GRM7: variants seen among roughly 807,000 people sequenced by gnomAD.
GRM7 encodes the protein glutamate metabotropic receptor 7.
In GRM7, 35 loss-of-function variants were observed where a neutral mutation model predicts 84.5. That is an observed-to-expected ratio of 0.41 (90% CI 0.32 to 0.55). The LOEUF (loss-of-function observed/expected upper bound fraction) is 0.55. Ranked by LOEUF, GRM7 falls within the 20% of genes least tolerant of loss-of-function variation. The pLI, the probability that GRM7 is intolerant of heterozygous loss-of-function variation, is 0.19. For missense variants in GRM7, 1,003 were observed against 1,194.6 expected (o/e 0.84, Z 2.36); for synonymous variants, 487 against 455.1 (o/e 1.07, Z -0.89).
intron 8 of GRM7, among the ~76,000 whole-genome samples, chr3:7,593,625 G>T (rs1695897871): frequency 6.6e-6 from 1 of 152,168 alleles, no homozygotes; most frequent in African/African-American, 2.4e-5. Context: ...AAAAGGAAAA[G>T]CAAGGGAAAA....
At chr3:7,530,396 A>G (rs866016529) in intron 7 of GRM7, among the ~76,000 whole-genome samples, 17 of 152,170 alleles carry the variant, frequency 1.1e-4, no homozygotes, top group Non-Finnish European at 2.1e-4. Context: ...CAGTGCTGCA[A>G]TAAACAAATG....
chr3:7,723,024 G>T (rs1209446806), intron 9 of GRM7, among the ~76,000 whole-genome samples: 1 of 152,036 alleles, frequency 6.6e-6, no homozygotes, highest in Non-Finnish European at 1.5e-5. Flanking sequence ...AAAGTAGAAA[G>T]AACAGTAGTA....
chr3:7,645,663 A>G (rs1466453438), intron 8 of GRM7, among the ~76,000 whole-genome samples: 1 of 152,158 alleles, frequency 6.6e-6, no homozygotes, highest in Non-Finnish European at 1.5e-5. Context: ...CATAAGACAG[A>G]AAATCTTAAC....
chr3:6,901,151 G>T (rs1313982479), intron 1 of GRM7, among the ~76,000 whole-genome samples: 1 of 152,092 alleles, frequency 6.6e-6, no homozygotes, highest in East Asian at 1.9e-4. Flanking sequence ...AATTAAATAA[G>T]AGTTAATGAC....
chr3:6,889,327 C>T (rs906857352), intron 1 of GRM7, among the ~76,000 whole-genome samples: 4 of 152,126 alleles, frequency 2.6e-5, no homozygotes, highest in African/African-American at 9.7e-5. Context: ...AAAGGGAATG[C>T]TTCCAGTTTT....
intron 4 of GRM7, among the ~76,000 whole-genome samples, chr3:7,383,375 G>A (rs1242603807): frequency 6.6e-6 from 1 of 152,122 alleles, no homozygotes; most frequent in Non-Finnish European, 1.5e-5. Context: ...CATAAAGATG[G>A]TTTATGGAGG....
intron 1 of GRM7, among the ~76,000 whole-genome samples, chr3:7,017,989 A>G (rs529995332): frequency 1.3e-5 from 2 of 152,328 alleles, no homozygotes; most frequent in South Asian, 4.1e-4. Flanking sequence ...TGATTTATTG[A>G]AAGAAAGTAT....
chr3:7,677,177 G>A (rs964422794), intron 8 of GRM7, among the ~76,000 whole-genome samples: 18 of 148,428 alleles, frequency 1.2e-4, no homozygotes, highest in African/African-American at 3.5e-4. Context: ...CAGGAGACTC[G>A]CTTGAACCCG....
At chr3:6,968,338 T>G (rs1347851488) in intron 1 of GRM7, among the ~76,000 whole-genome samples, 2 of 152,234 alleles carry the variant, frequency 1.3e-5, no homozygotes. Context: ...GAGTCCACCC[T>G]AATGAACTCA....
At chr3:7,396,004 C>T (rs974552100) in intron 4 of GRM7, among the ~76,000 whole-genome samples, 3 of 152,074 alleles carry the variant, frequency 2.0e-5, no homozygotes, top group Non-Finnish European at 2.9e-5. Context: ...ATCAAAACAT[C>T]ACTATGGACC....
At position 7,276,802 on chromosome 3, in the gene GRM7, C is replaced by CCTTCCTTT. The variant is rs1559547085; in HGVS notation, c.737-21879_737-21878insCCTTTCTT. On this transcript the variant is annotated intron_variant, in intron 2 of 9. Coordinates refer to ENST00000357716, the MANE Select transcript of GRM7 (RefSeq NM_000844.4). ...TCCTTCCTTCCTTCCTTCCTTCCTTCCTTTTTGGTGGTGGCATGTTGTTGT... is the reference window on the plus strand; with the variant it reads ...TCCTTCCTTCCTTCCTTCCTTCCTTCCTTCCTTTCTTTTTGGTGGTGGCATGTTGTTGT... Among the ~76,000 whole-genome samples the CCTTCCTTT allele has an allele frequency of 6.4e-4, 46 of 72,202 alleles. 16 individuals carry two copies. Among genetic ancestry groups the CCTTCCTTT allele is most frequent in the Admixed American group, 1.7e-3 (13 of 7,476 alleles). The allele number at this position is 72,202 out of a possible 152,430, so 47.4% of individuals were successfully genotyped here.
rs1386689264 is a variant in GRM7 at position 7,578,314 on chromosome 3, C to A, written c.1516-108C>A. ...TGCAAGCTGAGGGTAAACTATTCAACCTCATGCCTCATATGTCACTTGCCA... is the reference window on the plus strand; with the variant it reads ...TGCAAGCTGAGGGTAAACTATTCAAACTCATGCCTCATATGTCACTTGCCA... On this transcript the variant is annotated intron_variant, in intron 7 of 9. Transcript: ENST00000357716. The A allele has an allele frequency of 6.0e-5, 42 of 698,288 alleles. 1 individual carries two copies. The South Asian group carries it at 7.7e-4, about 13-fold the overall frequency. The allele number at this position is 698,288 out of a possible 1,614,324, so 43.3% of individuals were successfully genotyped here.
At chr3:7,591,424 A>T (rs1215392059) in intron 8 of GRM7, 1 of 435,108 alleles carries the variant, frequency 2.3e-6, no homozygotes, top group Non-Finnish European at 4.5e-6. Flanking sequence ...TTGTTTACAA[A>T]TGAATGTCCA....
chr3:7,141,311 A>G (rs1693937329), intron 1 of GRM7, among the ~76,000 whole-genome samples: 1 of 152,022 alleles, frequency 6.6e-6, no homozygotes, highest in African/African-American at 2.4e-5. Flanking sequence ...CAATAAAGAG[A>G]TAACAAAATG....
At chr3:7,453,023 A>G (rs978630621) in intron 6 of GRM7, among the ~76,000 whole-genome samples, 1 of 136,250 alleles carries the variant, frequency 7.3e-6, no homozygotes, top group African/African-American at 2.9e-5. Context: ...TTTTCTTGAA[A>G]TAGAGATTTT....
At chr3:7,405,005 T>C (rs189882052) in intron 4 of GRM7, among the ~76,000 whole-genome samples, 55 of 152,272 alleles carry the variant, frequency 3.6e-4, no homozygotes, top group Non-Finnish European at 1.6e-4. Flanking sequence ...AGAGAGCATA[T>C]TGAACCGGAA....
intron 1 of GRM7, among the ~76,000 whole-genome samples, chr3:7,031,186 G>A (rs1696169653): frequency 6.6e-6 from 1 of 151,802 alleles, no homozygotes. Context: ...TTCATCTCAT[G>A]CATTTCTCTC....
intron 7 of GRM7, among the ~76,000 whole-genome samples, chr3:7,575,802 G>A (rs1054972484): frequency 6.6e-6 from 1 of 152,102 alleles, no homozygotes; most frequent in Non-Finnish European, 1.5e-5. Flanking sequence ...CAAATTAAGT[G>A]ATCAGTCAAT....
chr3:7,660,664 C>T (rs569635661), intron 8 of GRM7, among the ~76,000 whole-genome samples: 49 of 152,024 alleles, frequency 3.2e-4, no homozygotes, highest in African/African-American at 1.1e-3. Context: ...AAAATTTATA[C>T]AAAAATACAG....
Sources: allele counts gnomAD v4.1 joint callset (sites outside exome capture counted in the v4.1 genomes callset), GRCh38; gene constraint gnomAD v4.1.1; transcripts MANE v1.5; gene names NCBI Gene and HGNC (gene_info 2026-07-23, HGNC 2026-07-21).